FGF14: variants seen among roughly 807,000 people sequenced by gnomAD.
The protein encoded by FGF14 is fibroblast growth factor homologous factor 4.
In FGF14, 5 loss-of-function variants were observed where a neutral mutation model predicts 25.5. The observed-to-expected ratio is 0.20, with a 90% CI of 0.10 to 0.41. The LOEUF (loss-of-function observed/expected upper bound fraction) is 0.41, where lower values mean the gene tolerates loss of function less well. Ranked by LOEUF, FGF14 falls within the 10% of genes least tolerant of loss-of-function variation. The pLI is 1.00. For missense variants in FGF14, 222 were observed against 320.1 expected (o/e 0.69, Z 2.34); for synonymous variants, 138 against 118.3 (o/e 1.17, Z -1.08).
chr13:102,223,865 A>G (rs2140966616), intron 1 of FGF14, among the ~76,000 whole-genome samples: 1 of 152,280 alleles, frequency 6.6e-6, no homozygotes, highest in South Asian at 2.1e-4. Context: ...GCTGTCTCAA[A>G]ACAAAACATC....
chr13:102,004,575 T>C (rs113376474), intron 1 of FGF14, among the ~76,000 whole-genome samples: 1 of 152,224 alleles, frequency 6.6e-6, no homozygotes, highest in Non-Finnish European at 1.5e-5. Flanking sequence ...GATGCACCAA[T>C]GAACCTGATT....
chr13:101,738,028 T>A (rs975243971), intron 3 of FGF14, among the ~76,000 whole-genome samples: 9 of 152,162 alleles, frequency 5.9e-5, no homozygotes, highest in Non-Finnish European at 1.0e-4. Context: ...AAAGACCATA[T>A]TCTTCAAATA....
Position 101,982,164 on chromosome 13 carries a change from C to T in FGF14, c.209-106868G>A, listed in dbSNP as rs547223467. Among the ~76,000 whole-genome samples, 3 of 152,252 alleles carry T rather than the reference C, an allele frequency of 2.0e-5. No homozygotes were observed. In the South Asian group the frequency reaches 6.2e-4, roughly 32 times the overall value. ...TGGTGGAACAACAGGTATAAAAAGA[C>T]TAGACTAATTCTTCTCATTCCAATG... is the stretch of plus-strand genomic sequence containing the variant. On this transcript the variant is annotated intron_variant, in intron 1 of 4. Coordinates refer to the FGF14 transcript ENST00000376131.
chr13:102,182,637 A>G (rs1252758276), intron 1 of FGF14, among the ~76,000 whole-genome samples: 1 of 152,112 alleles, frequency 6.6e-6, no homozygotes, highest in African/African-American at 2.4e-5. Context: ...TTGGCCCATA[A>G]AGTCTAAAAT....
chr13:101,730,431 C>T (rs2035730943), intron 3 of FGF14, among the ~76,000 whole-genome samples: 1 of 151,790 alleles, frequency 6.6e-6, no homozygotes, highest in Admixed American at 6.6e-5. Context: ...GTAGCCAGGA[C>T]AAAAAGAGAA....
intron 3 of FGF14, among the ~76,000 whole-genome samples, chr13:101,741,634 T>TAAAA (rs11299686): frequency 7.0e-6 from 1 of 143,834 alleles, no homozygotes; most frequent in African/African-American, 2.6e-5. Context: ...TTTATTACAG[T>TAAAA]AAAAAAAAAA....
At chr13:101,947,385 A>T (rs9518602) in intron 1 of FGF14, among the ~76,000 whole-genome samples, 60,111 of 152,048 alleles carry the variant, frequency 0.4, 12,997 homozygotes, top group East Asian at 0.72. Context: ...ATGCATTTGT[A>T]TGTTCATCAC....
At chr13:102,367,074 T>C (rs968013245) in intron 1 of FGF14, among the ~76,000 whole-genome samples, 12 of 152,324 alleles carry the variant, frequency 7.9e-5, no homozygotes, top group African/African-American at 2.6e-4. Flanking sequence ...ACATAATAAA[T>C]TACCCCAAAA....
intron 1 of FGF14, among the ~76,000 whole-genome samples, chr13:102,343,320 C>G (rs967619552): frequency 1.3e-5 from 2 of 151,980 alleles, no homozygotes; most frequent in Non-Finnish European, 1.5e-5. Context: ...TTGGTCAATC[C>G]CTGGGGAGGA....
chr13:101,779,554 A>G (rs945444171), intron 3 of FGF14, among the ~76,000 whole-genome samples: 1 of 152,222 alleles, frequency 6.6e-6, no homozygotes, highest in Non-Finnish European at 1.5e-5. Flanking sequence ...ATGTGTTTAA[A>G]TTTATATAAA....
At chr13:102,328,664 G>A (rs2056539123) in intron 1 of FGF14, among the ~76,000 whole-genome samples, 1 of 152,246 alleles carries the variant, frequency 6.6e-6, no homozygotes, top group Non-Finnish European at 1.5e-5. Context: ...CACGAAGGAG[G>A]AGCAATAACG....
rs114741061 is a variant in FGF14, at chr13:102,032,304, A to G, written c.209-157008T>C. ...TCTCCCACTCTGCAAGGAGGGTCCT[A>G]ATTTGTCTGACTAGTTCTTGTGCTC... On this transcript the variant is annotated intron_variant, in intron 1 of 4. Coordinates refer to the FGF14 transcript ENST00000376131. Among the ~76,000 whole-genome samples, 619 of 152,256 alleles carry G rather than the reference A, an allele frequency of 4.1e-3. 6 individuals are homozygous for G. The highest frequency in any genetic ancestry group is 0.014 in the African/African-American group (575 of 41,562).
At chr13:102,012,280 A>T (rs1293324828) in intron 1 of FGF14, among the ~76,000 whole-genome samples, 2 of 152,176 alleles carry the variant, frequency 1.3e-5, no homozygotes, top group African/African-American at 4.8e-5. Flanking sequence ...TGAAAATTAA[A>T]ATTTCATTAT....
At chr13:101,851,598 C>T (rs1478230769) in intron 3 of FGF14, among the ~76,000 whole-genome samples, 4 of 152,016 alleles carry the variant, frequency 2.6e-5, no homozygotes, top group South Asian at 2.1e-4. Context: ...TTAAACAAGG[C>T]GATTCAAAAG....
chr13:101,935,425 T>C (rs2035033116), intron 1 of FGF14, among the ~76,000 whole-genome samples: 1 of 152,214 alleles, frequency 6.6e-6, no homozygotes, highest in African/African-American at 2.4e-5. Context: ...CACCTTGAAT[T>C]GCAGTTCCCA....
intron 1 of FGF14, among the ~76,000 whole-genome samples, chr13:102,015,279 G>A (rs188768760): frequency 5.1e-4 from 78 of 152,178 alleles, no homozygotes; most frequent in African/African-American, 4.8e-4. Flanking sequence ...TATTTACCAC[G>A]CATCTGTCTA....
chr13:102,351,828 T>A (rs996088643), intron 1 of FGF14, among the ~76,000 whole-genome samples: 3 of 152,238 alleles, frequency 2.0e-5, no homozygotes, highest in African/African-American at 7.2e-5. Context: ...TGTCATCTAG[T>A]CTCTGAAGCC....
At chr13:102,161,726 A>G (rs181133931) in intron 1 of FGF14, among the ~76,000 whole-genome samples, 12 of 148,418 alleles carry the variant, frequency 8.1e-5, no homozygotes, top group Admixed American at 6.0e-4. Context: ...AAGAAGAAGA[A>G]TAGAAATGTG....
chr13:101,884,647 C>T (rs996163651), intron 1 of FGF14, among the ~76,000 whole-genome samples: 7 of 152,096 alleles, frequency 4.6e-5, no homozygotes, highest in Admixed American at 1.3e-4. Flanking sequence ...AGAATCAACT[C>T]TCCCACAAAG....
Sources: gnomAD v4.1 joint callset for allele counts (sites outside exome capture counted in the v4.1 genomes callset) on GRCh38, gnomAD v4.1.1 for gene constraint, MANE v1.5 for transcripts, NCBI Gene and HGNC (gene_info 2026-07-23, HGNC 2026-07-21) for gene names.